UNC5D: variants seen among roughly 807,000 people sequenced by gnomAD.
UNC5D encodes the protein unc-5 netrin receptor D.
UNC5D carries 39 observed loss-of-function variants against 105.4 expected under a neutral mutation model. That is an observed-to-expected ratio of 0.37 (90% CI 0.29 to 0.48). The LOEUF is 0.48. Among genes scored for constraint, UNC5D ranks in the 20% least tolerant of loss-of-function variants. UNC5D has a pLI of 0.98. For synonymous variants in UNC5D, 452 were observed against 450.4 expected (o/e 1.00, Z -0.04); for missense variants, 991 against 1,202.4 (o/e 0.82, Z 2.60).
intron 1 of UNC5D, among the ~76,000 whole-genome samples, chr8:35,397,462 C>G (rs997713715): frequency 1.3e-5 from 2 of 152,224 alleles, no homozygotes; most frequent in African/African-American, 4.8e-5. Flanking sequence ...ACTATGTTAA[C>G]CTTTTTTTGC....
intron 4 of UNC5D, among the ~76,000 whole-genome samples, chr8:35,606,049 G>A (rs1457051743): frequency 2.0e-5 from 3 of 151,536 alleles, no homozygotes; most frequent in African/African-American, 7.3e-5. Context: ...GTGCAACGGT[G>A]TGATCTCGGC....
chr8:35,292,209 C>T (rs745627798), intron 1 of UNC5D, among the ~76,000 whole-genome samples: 3 of 152,168 alleles, frequency 2.0e-5, no homozygotes, highest in Non-Finnish European at 4.4e-5. Flanking sequence ...CATTTCTTCC[C>T]TTCACTAGTT....
Position 35,511,014 on chromosome 8 carries a change from TTTG to T in UNC5D, c.104-38268_104-38266del, listed in dbSNP as rs373203591. On this transcript the variant is annotated intron_variant, in intron 1 of 16. Coordinates refer to ENST00000404895, the MANE Select transcript of UNC5D (RefSeq NM_080872.4). ...AACTAAGAGGACCTCAATTAATCAT[TTTG>T]TTGTTGTTGGTCTTCCCTCAAGTAT... 4.1e-3 allele frequency among the ~76,000 whole-genome samples: 618 copies of T among 152,270 alleles called. 5 individuals carry two copies. Among genetic ancestry groups the T allele is most frequent in the African/African-American group, 0.014 (579 of 41,546 alleles).
At chr8:35,591,676 C>G (rs958237593) in intron 3 of UNC5D, among the ~76,000 whole-genome samples, 1 of 152,096 alleles carries the variant, frequency 6.6e-6, no homozygotes, top group African/African-American at 2.4e-5. Context: ...TTATCACTTT[C>G]CCCTTACCTC....
intron 4 of UNC5D, among the ~76,000 whole-genome samples, chr8:35,616,147 C>A (rs1240019105): frequency 6.6e-6 from 1 of 152,134 alleles, no homozygotes; most frequent in African/African-American, 2.4e-5. Flanking sequence ...TATAAATAAC[C>A]AAACTGAGCC....
At chr8:35,323,715 G>A (rs987089651) in intron 1 of UNC5D, among the ~76,000 whole-genome samples, 1 of 152,126 alleles carries the variant, frequency 6.6e-6, no homozygotes, top group African/African-American at 2.4e-5. Context: ...ATAAAATAAA[G>A]CACAGAAAGT....
intron 10 of UNC5D, among the ~76,000 whole-genome samples, chr8:35,728,765 T>A (rs1236889976): frequency 6.6e-6 from 1 of 152,166 alleles, no homozygotes; most frequent in African/African-American, 2.4e-5. Flanking sequence ...CTAGAAATTA[T>A]TTATTATTCC....
intron 2 of UNC5D, among the ~76,000 whole-genome samples, chr8:35,555,686 C>T (rs967535391): frequency 6.6e-6 from 1 of 151,756 alleles, no homozygotes; most frequent in South Asian, 2.1e-4. Flanking sequence ...ATTAGCTGGC[C>T]GTGGTGGCGC....
intron 1 of UNC5D, among the ~76,000 whole-genome samples, chr8:35,247,577 A>C (rs1302571128): frequency 9.2e-6 from 1 of 109,004 alleles, no homozygotes; most frequent in African/African-American, 3.6e-5. Context: ...AAATATGTAT[A>C]AAATATATAA....
chr8:35,696,928 T>C (rs910336684), intron 7 of UNC5D, among the ~76,000 whole-genome samples: 2 of 152,016 alleles, frequency 1.3e-5, no homozygotes, highest in African/African-American at 2.4e-5. Flanking sequence ...AAAGATATCA[T>C]AGGGTAGTAA....
intron 4 of UNC5D, among the ~76,000 whole-genome samples, chr8:35,646,232 A>G (rs1470063397): frequency 6.6e-6 from 1 of 152,118 alleles, no homozygotes; most frequent in African/African-American, 2.4e-5. Context: ...ACTAGGTGAT[A>G]GGTGAGGTGG....
intron 4 of UNC5D, among the ~76,000 whole-genome samples, chr8:35,635,975 T>C (rs2131102718): frequency 6.6e-6 from 1 of 152,260 alleles, no homozygotes; most frequent in Middle Eastern, 3.4e-3. Context: ...GGGAGGAAAC[T>C]ATTGAGGAAG....
chr8:35,638,798 T>C (rs1325969641), intron 4 of UNC5D, among the ~76,000 whole-genome samples: 2 of 151,928 alleles, frequency 1.3e-5, no homozygotes, highest in Non-Finnish European at 2.9e-5. Flanking sequence ...ATACCCTGTC[T>C]CTTTAAAAAA....
chr8:35,439,869 C>A (rs1807278760), intron 1 of UNC5D, among the ~76,000 whole-genome samples: 1 of 151,736 alleles, frequency 6.6e-6, no homozygotes, highest in African/African-American at 2.4e-5. Context: ...TTACTGAATT[C>A]CTGACTCCAC....
chr8:35,574,658 A>G (rs1409231038), intron 3 of UNC5D, among the ~76,000 whole-genome samples: 2 of 152,182 alleles, frequency 1.3e-5, no homozygotes, highest in Non-Finnish European at 2.9e-5. Context: ...CTTACTAAAA[A>G]CTGTTAATGG....
chr8:35,546,225 G>T (rs76899310), intron 1 of UNC5D, among the ~76,000 whole-genome samples: 6 of 152,020 alleles, frequency 3.9e-5, no homozygotes, highest in African/African-American at 9.7e-5. Context: ...GGGGATCCTC[G>T]GGTAGCTAGG....
intron 4 of UNC5D, among the ~76,000 whole-genome samples, chr8:35,612,855 G>C (rs1410782247): frequency 4.0e-5 from 6 of 151,362 alleles, no homozygotes; most frequent in Non-Finnish European, 8.8e-5. Context: ...AATGTTTGGG[G>C]AATTTCTTTT....
At chr8:35,319,673 T>C (rs984349931) in intron 1 of UNC5D, among the ~76,000 whole-genome samples, 2 of 152,108 alleles carry the variant, frequency 1.3e-5, no homozygotes, top group African/African-American at 4.8e-5. Flanking sequence ...AATAAGACTG[T>C]ACTTTGGCCA....
intron 16 of UNC5D, among the ~76,000 whole-genome samples, chr8:35,784,765 T>TA (rs1802667074): frequency 6.6e-6 from 1 of 151,924 alleles, no homozygotes; most frequent in African/African-American, 2.4e-5. Flanking sequence ...AAATAATTAA[T>TA]AAAAAATAGA....
Sources: gnomAD v4.1 joint callset for allele counts (sites outside exome capture counted in the v4.1 genomes callset) on GRCh38, gnomAD v4.1.1 for gene constraint, MANE v1.5 for transcripts, NCBI Gene and HGNC (gene_info 2026-07-23, HGNC 2026-07-21) for gene names.